The following GSK3B variants were observed in gnomAD, a reference collection of about 807,000 sequenced individuals.
The protein encoded by GSK3B is glycogen synthase kinase 3 beta.
GSK3B carries 15 observed loss-of-function variants against 56.4 expected under a neutral mutation model. The observed-to-expected ratio is 0.27, with a 90% CI of 0.18 to 0.41. The LOEUF is 0.41. Ranked by LOEUF, GSK3B falls within the 10% of genes least tolerant of loss-of-function variation. The pLI, the probability that GSK3B is intolerant of heterozygous loss-of-function variation, is 1.00. For synonymous variants in GSK3B, 181 were observed against 188.9 expected, an observed-to-expected ratio of 0.96 and a Z score of 0.34; for missense variants, 300 against 513.4, an observed-to-expected ratio of 0.58 and a Z score of 4.02.
chr3:119,961,853 T>C (rs2107506411), intron 2 of GSK3B, among the ~76,000 whole-genome samples: 1 of 152,298 alleles, frequency 6.6e-6, no homozygotes, highest in South Asian at 2.1e-4. Flanking sequence ...TTCAATAAAT[T>C]ACATGAGATA....
chr3:119,920,395 A>G (rs1225337892), intron 4 of GSK3B, among the ~76,000 whole-genome samples: 1 of 152,158 alleles, frequency 6.6e-6, no homozygotes, highest in Non-Finnish European at 1.5e-5. Context: ...GTGCTCCAGG[A>G]TGCCCAGCCA....
chr3:120,017,558 T>C (rs139684946), intron 1 of GSK3B, among the ~76,000 whole-genome samples: 67 of 152,310 alleles, frequency 4.4e-4, no homozygotes, highest in Non-Finnish European at 9.0e-4. Context: ...GCTTTTTCCA[T>C]AGCACAGCAT....
intron 7 of GSK3B, among the ~76,000 whole-genome samples, chr3:119,880,892 C>G (rs535730343): frequency 6.6e-6 from 1 of 152,032 alleles, no homozygotes; most frequent in Non-Finnish European, 1.5e-5. Context: ...CTTTTGAGAG[C>G]TGAAAACAAA....
At chr3:119,935,040 T>C (rs913574340) in intron 3 of GSK3B, among the ~76,000 whole-genome samples, 1 of 152,140 alleles carries the variant, frequency 6.6e-6, no homozygotes, top group Non-Finnish European at 1.5e-5. Context: ...GAGCAGATGA[T>C]AATTACCACC....
intron 1 of GSK3B, among the ~76,000 whole-genome samples, chr3:120,013,853 A>T (rs1368669593): frequency 2.7e-5 from 2 of 74,060 alleles, no homozygotes; most frequent in South Asian, 3.9e-4. Context: ...AACCACGTTT[A>T]AAAAAAAAAA....
rs867506396 is a variant in GSK3B at position 120,068,590 on chromosome 3, C to T, written c.88+24757G>A. ...TGGCGCACACCTGTAATCCCAGCTA[C>T]TCGGGAGGCTGAGGCAGAAGAATCA... On this transcript the variant is annotated intron_variant, in intron 1 of 10. Coordinates refer to ENST00000264235, the MANE Select transcript of GSK3B (RefSeq NM_001146156.2). Among the ~76,000 whole-genome samples, 8 of 150,792 alleles carry T rather than the reference C, an allele frequency of 5.3e-5. No homozygotes were observed. In the South Asian group the frequency reaches 1.3e-3, roughly 24 times the overall value.
intron 9 of GSK3B, among the ~76,000 whole-genome samples, chr3:119,851,737 G>T (rs1386050378): frequency 1.3e-5 from 2 of 152,198 alleles, no homozygotes; most frequent in Non-Finnish European, 2.9e-5. Flanking sequence ...TCTACAAGAA[G>T]TCTGACCTCC....
At chr3:119,910,632 T>A (rs2056726275) in intron 6 of GSK3B, among the ~76,000 whole-genome samples, 1 of 152,162 alleles carries the variant, frequency 6.6e-6, no homozygotes, top group African/African-American at 2.4e-5. Context: ...AAAGTGACAA[T>A]GAAGTTTGCC....
Position 119,922,275 on chromosome 3 carries a change from A to AAGGAAGGAAGGG in GSK3B, c.477+1097_477+1098insCCCTTCCTTCCT, listed in dbSNP as rs1202734045. Among the ~76,000 whole-genome samples, 333 of 142,286 alleles carry AAGGAAGGAAGGG rather than the reference A, an allele frequency of 2.3e-3. 1 individual carries two copies. Among genetic ancestry groups the AAGGAAGGAAGGG allele is most frequent in the Middle Eastern group, 7.7e-3 (2 of 260 alleles). The allele number at this position is 142,286 out of a possible 152,430, so 93.3% of individuals were successfully genotyped here. On this transcript the variant is annotated intron_variant, in intron 4 of 10. Transcript: ENST00000264235. ...GAAGGAAGGAAGGAAGGAAGGAAGGAAGGGAGGAGGGAAAAATAATAAAAA... is the reference window on the plus strand; with the variant it reads ...GAAGGAAGGAAGGAAGGAAGGAAGGAAGGAAGGAAGGGAGGGAGGAGGGAAAAATAATAAAAA...
intron 3 of GSK3B, among the ~76,000 whole-genome samples, chr3:119,931,345 G>A (rs2056943205): frequency 6.6e-6 from 1 of 152,256 alleles, no homozygotes; most frequent in Admixed American, 6.5e-5. Flanking sequence ...GCCGGGCACA[G>A]TGGCTCACGC....
intron 3 of GSK3B, among the ~76,000 whole-genome samples, chr3:119,944,440 T>C (rs1292500305): frequency 6.6e-6 from 1 of 152,198 alleles, no homozygotes; most frequent in Non-Finnish European, 1.5e-5. Flanking sequence ...TTTTACCGTT[T>C]TGCTCTAGAG....
rs1404301817 is a variant in GSK3B at position 119,822,914 on chromosome 3, A to T, written c.*3874T>A. 4.4e-6 allele frequency: 1 copy of T among 228,998 alleles called. No homozygotes were observed. The highest frequency in any genetic ancestry group is 8.7e-6 in the Non-Finnish European group (1 of 115,392). 14.2% of individuals were successfully genotyped at this position (228,998 alleles called of 1,614,324 possible). ...AAAAGGAAAGGGAAAAATAGATGAA[A>T]TGCCAGTGTCTTCATATCCACAGGG... On this transcript the variant is annotated 3_prime_UTR_variant, in exon 11 of 11. Coordinates refer to ENST00000264235, the MANE Select transcript of GSK3B (RefSeq NM_001146156.2).
intron 9 of GSK3B, among the ~76,000 whole-genome samples, chr3:119,851,120 A>G (rs1371841778): frequency 2.0e-5 from 3 of 152,230 alleles, no homozygotes; most frequent in Admixed American, 6.5e-5. Context: ...TGGTGCATCA[A>G]TAATTATGTG....
chr3:119,913,914 A>G (rs2107455740), intron 5 of GSK3B, among the ~76,000 whole-genome samples: 1 of 152,226 alleles, frequency 6.6e-6, no homozygotes, highest in Middle Eastern at 3.4e-3. Context: ...AAATTATGAC[A>G]TTTAGTTTTC....
At chr3:119,998,314 T>C (rs914142950) in intron 2 of GSK3B, among the ~76,000 whole-genome samples, 1 of 152,090 alleles carries the variant, frequency 6.6e-6, no homozygotes, top group Non-Finnish European at 1.5e-5. Flanking sequence ...AGCTAACTGG[T>C]AAGACCTCAG....
chr3:119,986,161 T>G (rs1284931508), intron 2 of GSK3B, among the ~76,000 whole-genome samples: 1 of 152,158 alleles, frequency 6.6e-6, no homozygotes, highest in African/African-American at 2.4e-5. Flanking sequence ...GACCCCTTCC[T>G]TACACCTTAT....
chr3:119,981,696 C>T (rs770022206), intron 2 of GSK3B, among the ~76,000 whole-genome samples: 6 of 152,238 alleles, frequency 3.9e-5, no homozygotes, highest in African/African-American at 1.2e-4. Context: ...CCGGGAAGCT[C>T]GAACTGGGCA....
At chr3:120,008,922 G>A (rs559474849) in intron 1 of GSK3B, among the ~76,000 whole-genome samples, 1 of 152,002 alleles carries the variant, frequency 6.6e-6, no homozygotes, top group East Asian at 1.9e-4. Context: ...AAAAATTTTT[G>A]CAATCTATCC....
At chr3:119,863,356 T>C (rs2056133663) in intron 9 of GSK3B, 63 bp downstream of exon 9, 4 of 1,279,906 alleles carry the variant, frequency 3.1e-6, no homozygotes, top group South Asian at 1.2e-5. Flanking sequence ...TAATAGAATG[T>C]CATTTCACAC....
Sources: allele counts gnomAD v4.1 joint callset (sites outside exome capture counted in the v4.1 genomes callset), GRCh38; gene constraint gnomAD v4.1.1; transcripts MANE v1.5; gene names NCBI Gene and HGNC (gene_info 2026-07-23, HGNC 2026-07-21).